ERG: variants seen among roughly 807,000 people sequenced by gnomAD.
ERG encodes transcriptional regulator ERG.
A neutral mutation model predicts 55.3 loss-of-function variants in ERG; 9 were observed. The observed-to-expected ratio is 0.16, with a 90% CI of 0.10 to 0.28. The LOEUF is 0.28. Among genes scored for constraint, ERG ranks in the 10% least tolerant of loss-of-function variants. The pLI is 1.00. For missense variants in ERG, 434 were observed against 631.6 expected (o/e 0.69, Z 3.35); for synonymous variants, 223 against 237.3 (o/e 0.94, Z 0.55).
intron 2 of ERG, among the ~76,000 whole-genome samples, chr21:38,441,543 A>G (rs1274047569): frequency 6.6e-6 from 1 of 152,152 alleles, no homozygotes; most frequent in Non-Finnish European, 1.5e-5. Context: ...TATAAGTTCT[A>G]TTTCTCTAGA....
At chr21:38,646,841 A>G (rs1173088564) in intron 1 of ERG, among the ~76,000 whole-genome samples, 4 of 152,142 alleles carry the variant, frequency 2.6e-5, no homozygotes, top group African/African-American at 9.7e-5. Context: ...GGGAAAGATC[A>G]GAGTCAATGT....
intron 1 of ERG, among the ~76,000 whole-genome samples, chr21:38,494,894 C>T (rs1430933646): frequency 6.6e-6 from 1 of 152,208 alleles, no homozygotes. Context: ...CAGAGCTGAC[C>T]AAGAACGGAA....
intron 1 of ERG, chr21:38,471,009 T>C (rs1253916031): frequency 6.6e-6 from 1 of 152,194 alleles, no homozygotes; most frequent in Non-Finnish European, 1.5e-5. Flanking sequence ...CTAGGCTGCA[T>C]TGGCTCTCTG....
intron 1 of ERG, among the ~76,000 whole-genome samples, chr21:38,484,260 C>T (rs980334752): frequency 1.6e-4 from 25 of 152,100 alleles, no homozygotes; most frequent in Non-Finnish European, 7.4e-5. Context: ...CCACCGCGCC[C>T]GGTCGGGGTT....
chr21:38,493,539 T>C (rs2059354803), intron 1 of ERG, among the ~76,000 whole-genome samples: 1 of 152,226 alleles, frequency 6.6e-6, no homozygotes, highest in East Asian at 1.9e-4. Context: ...ATGTTTATAA[T>C]TTATGCTAAA....
chr21:38,475,302 C>T (rs1435355833), intron 1 of ERG, among the ~76,000 whole-genome samples: 1 of 152,114 alleles, frequency 6.6e-6, no homozygotes, highest in East Asian at 1.9e-4. Flanking sequence ...GCCTTTAATT[C>T]CTGTCCCCTG....
chr21:38,447,745 C>T (rs1313847081), intron 1 of ERG, among the ~76,000 whole-genome samples: 2 of 152,032 alleles, frequency 1.3e-5, no homozygotes, highest in Admixed American at 6.6e-5. Flanking sequence ...GTGTGTTTTA[C>T]AGGCTCAGAA....
chr21:38,388,982 C>A (rs1987840144), intron 9 of ERG, among the ~76,000 whole-genome samples: 1 of 152,212 alleles, frequency 6.6e-6, no homozygotes, highest in South Asian at 2.1e-4. Flanking sequence ...ATATATGTTT[C>A]ATTTGGCCAA....
chr21:38,371,892 C>G, the ERG span, among the ~76,000 whole-genome samples: 1 of 151,742 alleles, frequency 6.6e-6, no homozygotes, highest in Non-Finnish European at 1.5e-5. Flanking sequence ...GAGTATTATT[C>G]TTTTTTATAT....
intron 9 of ERG, among the ~76,000 whole-genome samples, chr21:38,387,893 A>G (rs1180946437): frequency 6.6e-6 from 1 of 152,212 alleles, no homozygotes; most frequent in African/African-American, 2.4e-5. Context: ...AGAGAGGTAG[A>G]CTGACTTATT....
intron 3 of ERG, among the ~76,000 whole-genome samples, chr21:38,413,134 T>C (rs1024650421): frequency 6.6e-6 from 1 of 152,204 alleles, no homozygotes; most frequent in Non-Finnish European, 1.5e-5. Flanking sequence ...CTCTGCATTA[T>C]AGCAACCTAG....
intron 2 of ERG, among the ~76,000 whole-genome samples, chr21:38,505,665 C>A (rs757019548): frequency 3.3e-5 from 5 of 152,182 alleles, no homozygotes; most frequent in Non-Finnish European, 4.4e-5. Context: ...AGGGATAAAT[C>A]ATGGTTTTCC....
chr21:38,650,856 A>G (rs1205172975), intron 1 of ERG, among the ~76,000 whole-genome samples: 1 of 152,244 alleles, frequency 6.6e-6, no homozygotes, highest in East Asian at 1.9e-4. Flanking sequence ...TAGTGTGAAT[A>G]TGTCCTTGTA....
At chr21:38,433,140 T>G (rs1476444440) in intron 2 of ERG, among the ~76,000 whole-genome samples, 1 of 152,204 alleles carries the variant, frequency 6.6e-6, no homozygotes, top group Non-Finnish European at 1.5e-5. Flanking sequence ...CGTTCTATGC[T>G]TCTCCCCAAA....
At chr21:38,482,979 T>C (rs1401292851) in intron 1 of ERG, among the ~76,000 whole-genome samples, 1 of 152,158 alleles carries the variant, frequency 6.6e-6, no homozygotes, top group African/African-American at 2.4e-5. Flanking sequence ...GCCCGGCCCA[T>C]TTAGCTTTCA....
intron 1 of ERG, among the ~76,000 whole-genome samples, chr21:38,577,975 A>C (rs1403090027): frequency 6.6e-6 from 1 of 152,236 alleles, no homozygotes; most frequent in Non-Finnish European, 1.5e-5. Flanking sequence ...TCCCAGGCTC[A>C]GGCCTTTATG....
chr21:38,433,381 T>A (rs932264353), intron 2 of ERG, among the ~76,000 whole-genome samples: 1 of 152,060 alleles, frequency 6.6e-6, no homozygotes, highest in Admixed American at 6.6e-5. Context: ...AAGTCCAAGA[T>A]GAAAGCCTCC....
chr21:38,521,751 G>C (rs753679005), intron 2 of ERG, among the ~76,000 whole-genome samples: 11 of 152,334 alleles, frequency 7.2e-5, no homozygotes, highest in Middle Eastern at 6.8e-3. Context: ...CCCCTGAGGA[G>C]ACAGGAACTA....
intron 1 of ERG, among the ~76,000 whole-genome samples, chr21:38,452,976 G>A (rs893003329): frequency 5.3e-5 from 8 of 152,188 alleles, no homozygotes; most frequent in Non-Finnish European, 1.0e-4. Context: ...CTAGGACTAA[G>A]ACATCAGGTG....
Sources: allele counts gnomAD v4.1 joint callset (sites outside exome capture counted in the v4.1 genomes callset), GRCh38; gene constraint gnomAD v4.1.1; transcripts MANE v1.5; gene names NCBI Gene and HGNC (gene_info 2026-07-23, HGNC 2026-07-21).